The following ALDH1A2 variants were observed in gnomAD, a reference collection of about 807,000 sequenced individuals.
ALDH1A2 encodes aldehyde dehydrogenase 1 family member A2.
A neutral mutation model predicts 60.3 loss-of-function variants in ALDH1A2; 27 were observed. The ratio of observed to expected loss-of-function variants is 0.45; its 90% confidence interval spans 0.33 to 0.62. The LOEUF (loss-of-function observed/expected upper bound fraction) is 0.62. Among genes scored for constraint, ALDH1A2 ranks in the 20% least tolerant of loss-of-function variants. The probability of loss-of-function intolerance (pLI) is 0.02; values close to 1 mark genes in which losing one functional copy is unlikely to be tolerated. For synonymous variants in ALDH1A2, 289 were observed against 232.4 expected, an observed-to-expected ratio of 1.24 and a Z score of -2.21; for missense variants, 581 against 643.8, an observed-to-expected ratio of 0.90 and a Z score of 1.06.
At chr15:58,006,531 C>T (rs921208729) in intron 4 of ALDH1A2, among the ~76,000 whole-genome samples, 3 of 151,830 alleles carry the variant, frequency 2.0e-5, no homozygotes, top group African/African-American at 4.8e-5. Flanking sequence ...TAGGTACACC[C>T]ATTAGTGGGA....
At chr15:58,060,647 G>GT (rs1489236446) in intron 1 of ALDH1A2, among the ~76,000 whole-genome samples, 1 of 151,986 alleles carries the variant, frequency 6.6e-6, no homozygotes, top group Non-Finnish European at 1.5e-5. Context: ...GGGCATGCAA[G>GT]TTTTTTCTAA....
At chr15:58,039,356 C>T (rs1211610602) in intron 1 of ALDH1A2, among the ~76,000 whole-genome samples, 1 of 151,454 alleles carries the variant, frequency 6.6e-6, no homozygotes, top group Non-Finnish European at 1.5e-5. Context: ...TTATATATAA[C>T]CCGTCCTAAA....
At chr15:58,039,961 C>T (rs1429102804) in intron 1 of ALDH1A2, among the ~76,000 whole-genome samples, 1 of 151,820 alleles carries the variant, frequency 6.6e-6, no homozygotes, top group Non-Finnish European at 1.5e-5. Flanking sequence ...ATAATCAGCC[C>T]CCTGCCCTTG....
At chr15:58,025,514 T>G (rs1208426340) in intron 1 of ALDH1A2, among the ~76,000 whole-genome samples, 5 of 152,072 alleles carry the variant, frequency 3.3e-5, no homozygotes, top group Non-Finnish European at 7.4e-5. Flanking sequence ...ATTGAATCAG[T>G]AATAACAAGG....
chr15:58,036,283 T>C (rs1400979723), intron 1 of ALDH1A2, among the ~76,000 whole-genome samples: 1 of 151,620 alleles, frequency 6.6e-6, no homozygotes, highest in African/African-American at 2.4e-5. Context: ...AAATAAAATT[T>C]AATTATGCAC....
intron 1 of ALDH1A2, among the ~76,000 whole-genome samples, chr15:58,017,947 TA>T (rs1224475150): frequency 2.0e-5 from 3 of 152,172 alleles, no homozygotes; most frequent in African/African-American, 4.8e-5. Flanking sequence ...AAATGACACT[TA>T]AAAAATTATA....
At position 57,967,648 on chromosome 15, in the gene ALDH1A2, G is replaced by A. The variant is rs34883702; in HGVS notation, c.799-1821C>T. On this transcript the variant is annotated intron_variant, in intron 7 of 12. Coordinates refer to ENST00000249750, the MANE Select transcript of ALDH1A2 (RefSeq NM_003888.4). ...ATCCTGAGAAAAGCTAACCTTAGGG[G>A]GAAAAAGTGATGTCTCTCAAAGATG... is the stretch of plus-strand genomic sequence containing the variant. Among the ~76,000 whole-genome samples the A allele has an allele frequency of 4.4e-3, 672 of 152,264 alleles. 5 individuals carry two copies. Among genetic ancestry groups the A allele is most frequent in the Non-Finnish European group, 8.1e-3 (554 of 68,022 alleles).
intron 10 of ALDH1A2, 42 bp downstream of exon 10, chr15:57,961,970 C>G: frequency 6.2e-7 from 1 of 1,609,584 alleles, no homozygotes; most frequent in South Asian, 1.1e-5. Flanking sequence ...AGAAATGATC[C>G]CAAGAAAGAT....
At chr15:57,963,834 T>C in intron 9 of ALDH1A2, 51 bp downstream of exon 9, 5 of 1,598,570 alleles carry the variant, frequency 3.1e-6, no homozygotes, top group Non-Finnish European at 4.3e-6. Context: ...TACACAGTTC[T>C]GTGCCAGTCA....
At chr15:58,031,834 T>C (rs1365565142) in intron 1 of ALDH1A2, among the ~76,000 whole-genome samples, 2 of 152,134 alleles carry the variant, frequency 1.3e-5, no homozygotes, top group Non-Finnish European at 2.9e-5. Flanking sequence ...AGAATGGCGA[T>C]GATTAAAAAG....
At chr15:58,050,587 C>G (rs1213023614) in intron 1 of ALDH1A2, among the ~76,000 whole-genome samples, 1 of 152,118 alleles carries the variant, frequency 6.6e-6, no homozygotes, top group Non-Finnish European at 1.5e-5. Flanking sequence ...AAAACTAAGA[C>G]AAATTCCATT....
intron 1 of ALDH1A2, among the ~76,000 whole-genome samples, chr15:58,061,610 C>CAAAAAAAAAAAAA (rs1216992550): frequency 3.0e-5 from 3 of 100,328 alleles, no homozygotes; most frequent in Non-Finnish European, 4.2e-5. Flanking sequence ...AAAAAAAAAA[C>CAAAAAAAAAAAAA]AAAAAAAAAA....
intron 7 of ALDH1A2, among the ~76,000 whole-genome samples, chr15:57,984,358 T>C (rs1450101536): frequency 6.6e-6 from 1 of 152,246 alleles, no homozygotes; most frequent in Non-Finnish European, 1.5e-5. Flanking sequence ...AATTAATTGA[T>C]TTTTCACAGC....
intron 1 of ALDH1A2, among the ~76,000 whole-genome samples, chr15:58,041,459 G>C (rs1471771333): frequency 2.0e-5 from 3 of 151,796 alleles, no homozygotes; most frequent in African/African-American, 7.3e-5. Context: ...CATCAACTTT[G>C]TGGCTTACAA....
At chr15:58,029,010 G>C (rs371229513) in intron 1 of ALDH1A2, among the ~76,000 whole-genome samples, 19 of 152,206 alleles carry the variant, frequency 1.2e-4, no homozygotes, top group African/African-American at 3.9e-4. Flanking sequence ...AGGTTAACAA[G>C]GATATCCAGG....
At position 57,962,193 on chromosome 15, in the gene ALDH1A2, T is replaced by C; in HGVS notation, c.1087-17A>G. ...CTTATCAATCTGTGGGAGACAAGAC[T>C]TAATGACTCCAAATATAACCTTCTA... On this transcript the variant is annotated splice_polypyrimidine_tract_variant and intron_variant, in intron 9 of 12. Coordinates refer to ENST00000249750, the MANE Select transcript of ALDH1A2 (RefSeq NM_003888.4). The C allele has an allele frequency of 6.2e-7, 1 of 1,611,756 alleles. No homozygotes were observed. The highest frequency in any genetic ancestry group is 8.5e-7 in the Non-Finnish European group (1 of 1,177,782).
intron 7 of ALDH1A2, among the ~76,000 whole-genome samples, chr15:57,974,486 T>G (rs116150275): frequency 1.1e-3 from 159 of 151,164 alleles, no homozygotes; most frequent in African/African-American, 3.9e-3. Context: ...TATGGAAAAT[T>G]TATGCTTGAA....
At chr15:58,048,541 G>A (rs1046193434) in intron 1 of ALDH1A2, among the ~76,000 whole-genome samples, 2 of 152,034 alleles carry the variant, frequency 1.3e-5, no homozygotes, top group African/African-American at 4.8e-5. Flanking sequence ...AGGGAAGTAT[G>A]GATGGGGGAT....
intron 1 of ALDH1A2, among the ~76,000 whole-genome samples, chr15:58,049,714 C>A (rs1038511930): frequency 2.0e-5 from 3 of 152,012 alleles, no homozygotes; most frequent in Non-Finnish European, 4.4e-5. Flanking sequence ...TAGAGACAGG[C>A]TAATGCAGGC....
Sources: allele counts gnomAD v4.1 joint callset (sites outside exome capture counted in the v4.1 genomes callset), GRCh38; gene constraint gnomAD v4.1.1; transcripts MANE v1.5; gene names NCBI Gene and HGNC (gene_info 2026-07-23, HGNC 2026-07-21).